GNAI2: variants seen among roughly 807,000 people sequenced by gnomAD.
GNAI2 encodes the protein guanine nucleotide-binding protein G(i) subunit alpha-2.
Under a neutral mutation model 36.8 loss-of-function variants are expected in GNAI2, and 4 were observed. The observed-to-expected ratio is 0.11, with a 90% CI of 0.05 to 0.25. The LOEUF is 0.25. Among genes scored for constraint, GNAI2 ranks in the 10% least tolerant of loss-of-function variants. The pLI is 1.00. For synonymous variants in GNAI2, 194 were observed against 194.1 expected (o/e 1.00, Z 0.01); for missense variants, 230 against 481.3 (o/e 0.48, Z 4.89).
rs1358289592 is a variant in GNAI2 at position 50,253,547 on chromosome 3, A to G, written c.464+363A>G. Among the ~76,000 whole-genome samples the G allele has an allele frequency of 6.6e-6, 1 of 152,090 alleles. No homozygotes were observed. Among genetic ancestry groups the G allele is most frequent in the Non-Finnish European group, 1.5e-5 (1 of 68,038 alleles). On this transcript the variant is annotated intron_variant, in intron 4 of 8. Transcript: ENST00000313601. The surrounding 1 kb of genome is among the most constrained non-coding windows in gnomAD (Gnocchi z 4.2). Reference sequence around the variant, plus strand: ...GTCGTGAGATCAGGAGATCGAGACCATCCTGGCTAACACGGTGAAACCCCG... The same window carrying G: ...GTCGTGAGATCAGGAGATCGAGACCGTCCTGGCTAACACGGTGAAACCCCG...
upstream of GNAI2, chr3:50,235,861 G>A (rs1348534808): frequency 3.3e-5 from 5 of 152,226 alleles, no homozygotes; most frequent in African/African-American, 9.7e-5. Context: ...CCCCACCCTC[G>A]GGTTAACAGA....
chr3:50,228,685 C>T (rs776761293), upstream of GNAI2, among the ~76,000 whole-genome samples: 8 of 152,218 alleles, frequency 5.3e-5, no homozygotes, highest in Admixed American at 1.3e-4. Flanking sequence ...CTGACCCCTG[C>T]CCCCTGGTAC....
At position 50,237,423 on chromosome 3, in the gene GNAI2, G is replaced by A. The variant is rs587607396; in HGVS notation, c.118+970G>A. On this transcript the variant is annotated intron_variant, in intron 1 of 8. Transcript: ENST00000313601. ...AAGATGGTGGCTGCTAGAGGAGTGGGGGGAAGTGGAAGTGGTGAGACAGCC... is the reference window on the plus strand; with the variant it reads ...AAGATGGTGGCTGCTAGAGGAGTGGAGGGAAGTGGAAGTGGTGAGACAGCC... Among the ~76,000 whole-genome samples the A allele has an allele frequency of 4.6e-5, 7 of 152,348 alleles. No individual in the cohort carries two copies. In the South Asian group the frequency reaches 1.4e-3, roughly 32 times the overall value.
upstream of GNAI2, among the ~76,000 whole-genome samples, chr3:50,228,831 CTCTG>C (rs979620341): frequency 1.3e-5 from 2 of 152,228 alleles, no homozygotes; most frequent in Non-Finnish European, 2.9e-5. Context: ...ACTTCCCTAA[CTCTG>C]TCTGCTTGGC....
upstream of GNAI2, among the ~76,000 whole-genome samples, chr3:50,233,750 G>T (rs998561402): frequency 1.3e-5 from 2 of 152,134 alleles, no homozygotes; most frequent in Non-Finnish European, 2.9e-5. Flanking sequence ...CAGGACAGGA[G>T]GGGGGCCTGA....
chr3:50,258,216 A>T (rs1184198070), intron 8 of GNAI2, 152 bp from the exon 9 acceptor site: 1 of 153,444 alleles, frequency 6.5e-6, no homozygotes, highest in African/African-American at 2.4e-5. Context: ...TCCCCCACGT[A>T]ACCCAGCAAC....
Position 50,259,045 on chromosome 3 carries a change from C to A in GNAI2, c.*702C>A. ...CTGCGTGTTTACACCCGTCCCTCTG[C>A]TGGCCGCCCCCGTGCGAGCGGCACC... On this transcript the variant is annotated 3_prime_UTR_variant, in exon 9 of 9. Transcript: ENST00000313601. The A allele has an allele frequency of 2.4e-6, 1 of 410,238 alleles. No homozygotes were observed. Among genetic ancestry groups the A allele is most frequent in the Non-Finnish European group, 4.8e-6 (1 of 209,672 alleles). 25.4% of individuals were successfully genotyped at this position (410,238 alleles called of 1,614,324 possible).
Position 50,256,789 on chromosome 3 carries a change from A to G in GNAI2, c.660A>G (p.Thr220=), listed in dbSNP as rs201958549. 1 of 1,614,134 alleles carries G rather than the reference A, an allele frequency of 6.2e-7. No homozygotes were observed. The highest frequency in any genetic ancestry group is 8.5e-7 in the Non-Finnish European group (1 of 1,179,942). The change falls in exon 6 of 9, where the codon ACA becomes ACG. Residue 220 remains threonine, a synonymous_variant. Coordinates refer to ENST00000313601, the MANE Select transcript of GNAI2 (RefSeq NM_002070.4). ...GGATCCACTGCTTTGAGGGCGTCAC[A>G]GCCATCATCTTCTGCGTAGCCTTGA... The part of the protein sequence containing the change: ...KKWIHCFEGV[T]AIIFCVALSA...
chr3:50,257,395 C>T (rs1700727046), intron 7 of GNAI2, 105 bp from the exon 8 acceptor site: 4 of 726,906 alleles, frequency 5.5e-6, no homozygotes, highest in Non-Finnish European at 4.6e-6. Flanking sequence ...CATGCATGCA[C>T]AGGTTGTATG....
rs1700541673 is a variant in GNAI2, at chr3:50,250,900, C to T, written c.119-1200C>T. ...TCTCGGCTCACTGCAACCTCCACCT[C>T]CCAGGTTCAAGCGATTCTTCTGCCT... is the stretch of plus-strand genomic sequence containing the variant. On this transcript the variant is annotated intron_variant, in intron 1 of 8. Transcript: ENST00000313601. Among the ~76,000 whole-genome samples, 6 of 152,066 alleles carry T rather than the reference C, an allele frequency of 3.9e-5. No individual in the cohort carries two copies. In the South Asian group the frequency reaches 1.2e-3, roughly 32 times the overall value.
chr3:50,234,168 A>G (rs1347876322), upstream of GNAI2, among the ~76,000 whole-genome samples: 7 of 137,948 alleles, frequency 5.1e-5, no homozygotes, highest in Non-Finnish European at 1.1e-4. Flanking sequence ...CTGGGTTCAC[A>G]CCATTCTCCT....
Position 50,252,327 on chromosome 3 carries a change from G to T in GNAI2, c.162-70G>T. On this transcript the variant is annotated intron_variant, in intron 2 of 8. Coordinates refer to ENST00000313601, the MANE Select transcript of GNAI2 (RefSeq NM_002070.4). This position sits in a 1 kb window ranked among gnomAD's most constrained non-coding sequence, Gnocchi z 4.1. ...TTTCCCTTCTCTGAAGCAGGTCCCAGTAGCCCCAGGCAGCCGTGGGAACTC... is the reference window on the plus strand; with the variant it reads ...TTTCCCTTCTCTGAAGCAGGTCCCATTAGCCCCAGGCAGCCGTGGGAACTC... 1 of 1,550,980 alleles carries T rather than the reference G, an allele frequency of 6.4e-7. No homozygotes were observed.
At position 50,253,717 on chromosome 3, in the gene GNAI2, T is replaced by C. The variant is rs1465616879; in HGVS notation, c.464+533T>C. ...GGAGATTGCGCCACTGCACTCTAGCTTGGGTGACAGAGCAAGACTCAGAAC... is the reference window on the plus strand; with the variant it reads ...GGAGATTGCGCCACTGCACTCTAGCCTGGGTGACAGAGCAAGACTCAGAAC... On this transcript the variant is annotated intron_variant, in intron 4 of 8. Transcript: ENST00000313601. This position sits in a 1 kb window ranked among gnomAD's most constrained non-coding sequence, Gnocchi z 4.2. 1.3e-5 allele frequency among the ~76,000 whole-genome samples: 2 copies of C among 152,182 alleles called. No homozygotes were observed. The highest frequency in any genetic ancestry group is 4.1e-4 in the South Asian group (2 of 4,826).
upstream of GNAI2, chr3:50,227,309 C>T: frequency 2.0e-6 from 1 of 507,268 alleles, no homozygotes; most frequent in Non-Finnish European, 3.2e-6. The surrounding 1 kb of genome is among the most constrained non-coding windows in gnomAD (Gnocchi z 5.9). Flanking sequence ...ACGGCTGCAG[C>T]TCTGCGGAGA....
At chr3:50,244,061 C>G (rs587727765) in intron 1 of GNAI2, among the ~76,000 whole-genome samples, 2 of 142,978 alleles carry the variant, frequency 1.4e-5, no homozygotes, top group African/African-American at 5.2e-5. Flanking sequence ...TGGAGTCTCA[C>G]TCTGTCACCC....
At chr3:50,232,053 G>A (rs907505401), upstream of GNAI2, among the ~76,000 whole-genome samples, 75 of 150,856 alleles carry the variant, frequency 5.0e-4, no homozygotes, top group Non-Finnish European at 8.6e-4. Flanking sequence ...AAAAAGGGCC[G>A]TGCACGGTGG....
At chr3:50,227,406 G>A (rs777045049), upstream of GNAI2, 4 of 375,764 alleles carry the variant, frequency 1.1e-5, no homozygotes, top group Non-Finnish European at 1.9e-5. The surrounding 1 kb of genome is among the most constrained non-coding windows in gnomAD (Gnocchi z 5.9). Context: ...CAGGCAAGGC[G>A]GGGGCCACCG....
In GNAI2 at chr3:50,257,701, G is replaced by A. The variant is rs1700737488; in HGVS notation, c.*11G>A. On this transcript the variant is annotated 3_prime_UTR_variant, in exon 8 of 9. Coordinates refer to ENST00000313601, the MANE Select transcript of GNAI2 (RefSeq NM_002070.4). ...TGCGGCCTCTTCTGAGGGGCAGCGG[G>A]GCCTGGCGGGATGGTGAGCCAGAGG... 2.6e-6 allele frequency: 4 copies of A among 1,534,080 alleles called. No individual in the cohort carries two copies. In the African/African-American group the frequency reaches 4.1e-5, roughly 16 times the overall value.
In GNAI2 at chr3:50,258,735, G is replaced by C. The variant is rs1358892688; in HGVS notation, c.*392G>C. On this transcript the variant is annotated 3_prime_UTR_variant, in exon 9 of 9. Transcript: ENST00000313601. ...TTGCCCAACACCAGCCCCTGCCCCA[G>C]CCCAAGTCCAAATGTTTACAGGGAG... 1 of 359,814 alleles carries C rather than the reference G, an allele frequency of 2.8e-6. No individual in the cohort carries two copies. Among genetic ancestry groups the C allele is most frequent in the Non-Finnish European group, 5.4e-6 (1 of 185,602 alleles). 22.3% of individuals were successfully genotyped at this position (359,814 alleles called of 1,614,324 possible).
Sources: allele counts gnomAD v4.1 joint callset (sites outside exome capture counted in the v4.1 genomes callset), GRCh38; gene constraint gnomAD v4.1.1; non-coding constraint Gnocchi (gnomAD v3.1); transcripts MANE v1.5; gene names NCBI Gene and HGNC (gene_info 2026-07-23, HGNC 2026-07-21).